Variants in PIK3R4 observed in about 807,000 individuals in gnomAD.
PIK3R4 encodes phosphoinositide-3-kinase regulatory subunit 4.
In PIK3R4, 46 loss-of-function variants were observed where a neutral mutation model predicts 136.5. The ratio of observed to expected loss-of-function variants is 0.34; its 90% CI spans 0.27 to 0.43. The LOEUF (loss-of-function observed/expected upper bound fraction) is 0.43, where lower values mean the gene tolerates loss of function less well. Ranked by LOEUF, PIK3R4 falls within the 20% of genes least tolerant of loss-of-function variation. The pLI, the probability that PIK3R4 is intolerant of heterozygous loss-of-function variation, is 1.00. For missense variants in PIK3R4, 1,331 were observed against 1,649.5 expected, an observed-to-expected ratio of 0.81 and a Z score of 3.35; for synonymous variants, 557 against 566.7, an observed-to-expected ratio of 0.98 and a Z score of 0.24.
At chr3:130,716,983 G>A (rs1292664169) in intron 8 of PIK3R4, among the ~76,000 whole-genome samples, 11 of 152,122 alleles carry the variant, frequency 7.2e-5, no homozygotes, top group Admixed American at 7.2e-4. Flanking sequence ...ACAGCCACAG[G>A]TCTTCCTTCA....
In PIK3R4 at chr3:130,735,887, A is replaced by G; in HGVS notation, c.849T>C (p.Asp283=). The change falls in exon 3 of 20, where the codon GAT becomes GAC. Residue 283 remains aspartate (D), a synonymous_variant. Transcript: ENST00000356763. ...FPEQVLNKIE[D]HSIRELVTQM... ...TAGTTACCAATTCTCTGATACTGTG[A>G]TCTTCAATTTTATTTAGCACTTGTT... 2.5e-6 allele frequency: 4 copies of G among 1,611,654 alleles called. No individual in the cohort carries two copies. Among genetic ancestry groups the G allele is most frequent in the Non-Finnish European group, 3.4e-6 (4 of 1,179,440 alleles).
intron 7 of PIK3R4, among the ~76,000 whole-genome samples, 166 bp from the exon 8 acceptor site, chr3:130,718,700 C>T (rs995260468): frequency 6.6e-6 from 1 of 152,156 alleles, no homozygotes; most frequent in Non-Finnish European, 1.5e-5. Flanking sequence ...ATCAAGTGGA[C>T]ACACTGTTAT....
In PIK3R4 at chr3:130,744,838, C is replaced by A. The variant is rs772051013; in HGVS notation, c.381G>T (p.Trp127Cys). The change falls in exon 2 of 20, where the codon TGG becomes TGT. Residue 127 changes from tryptophan (W) to cysteine (C), a missense_variant. Physicochemically the swap from Trp to Cys is radical, Grantham distance 215 (BLOSUM62 -2). Transcript: ENST00000356763. ...RPFLNNIEKR[W>C]IAFQILTAVD... ...CAGCTGTCAGGATCTGGAAAGCAAT[C>A]CAGCGCTTCTCAATGTTATTCAAGA... 1 of 1,614,096 alleles carries A rather than the reference C, an allele frequency of 6.2e-7. No individual in the cohort carries two copies. Among genetic ancestry groups the A allele is most frequent in the Non-Finnish European group, 8.5e-7 (1 of 1,180,052 alleles).
Position 130,680,018 on chromosome 3 carries a change from T to C in PIK3R4, c.3907-533A>G, listed in dbSNP as rs572507586. On this transcript the variant is annotated intron_variant, in intron 19 of 19. Coordinates refer to ENST00000356763, the MANE Select transcript of PIK3R4 (RefSeq NM_014602.3). ...TTAACCTGGGAGGCAGAGGATGCAG[T>C]GAGCAGAGATCGTGCCACTGCACTC... Among the ~76,000 whole-genome samples, 32 of 128,204 alleles carry C rather than the reference T, an allele frequency of 2.5e-4. No homozygotes were observed. The South Asian group carries it at 7.1e-3, about 29-fold the overall frequency. 84.1% of individuals were successfully genotyped at this position (128,204 alleles called of 152,430 possible). A position where few individuals can be genotyped will look rare whatever the true frequency, so the allele number is the denominator to read the frequency against.
At position 130,690,636 on chromosome 3, in the gene PIK3R4, G is replaced by A. The variant is rs759431388; in HGVS notation, c.3117C>T (p.Ser1039=). Residue 1039 remains serine (S), a synonymous_variant, in exon 14 of 20, where the codon AGC becomes AGT. Transcript: ENST00000356763. ...GCGTCTTGACTCGTCCTCCAATTCG[G>A]CTGTATGTAAGAATAGATCTGAATG... The part of the protein sequence containing the change: ...TTTTRSILTY[S]RIGGRVKTLT... 7.5e-6 allele frequency: 12 copies of A among 1,606,396 alleles called. No homozygotes were observed. In the Middle Eastern group the frequency reaches 5.0e-4, roughly 66 times the overall value.
Position 130,708,416 on chromosome 3 carries a change from T to C in PIK3R4, c.2408A>G (p.Asn803Ser). The change falls in exon 10 of 20, where the codon AAT becomes AGT. Residue 803 changes from asparagine to serine, a missense_variant. Physicochemically the swap from Asn to Ser is conservative, Grantham distance 46. Coordinates refer to ENST00000356763, the MANE Select transcript of PIK3R4 (RefSeq NM_014602.3). The stretch of plus-strand genomic sequence containing the variant: ...ATGAAGATGGCTCTGGTCCACTATA[T>C]TGGCCTTTGCTTTATTAGATTTCAT... ...FMMKSNKAKA[N>S]IVDQSHLHDS... 2 of 1,613,814 alleles carry C rather than the reference T, an allele frequency of 1.2e-6. No homozygotes were observed. Among genetic ancestry groups the C allele is most frequent in the Non-Finnish European group, 1.7e-6 (2 of 1,179,742 alleles).
chr3:130,735,077 A>G (rs1037305814), intron 3 of PIK3R4, among the ~76,000 whole-genome samples: 1 of 152,204 alleles, frequency 6.6e-6, no homozygotes, highest in African/African-American at 2.4e-5. Flanking sequence ...TGCCATACCC[A>G]AAGACAGAAC....
Position 130,716,450 on chromosome 3 carries a change from G to C in PIK3R4, c.2277C>G (p.Cys759Trp). 1 of 1,614,176 alleles carries C rather than the reference G, an allele frequency of 6.2e-7. No homozygotes were observed. The highest frequency in any genetic ancestry group is 1.3e-5 in the African/African-American group (1 of 75,056). ...CTATGGCAGGATCCTCTGGCGGAGG[G>C]CAGTCGGGAAGAGAACCATTTCGTT... Reference protein sequence around the residue: ...QKKRNGSLPDCPPPEDPAIAQ... With the variant: ...QKKRNGSLPDWPPPEDPAIAQ... Residue 759 changes from cysteine (C) to tryptophan (W), a missense_variant, in exon 9 of 20, where the codon TGC becomes TGG. Physicochemically the swap from Cys to Trp is radical, Grantham distance 215. This residue lies in a region of PIK3R4 where 1,180 missense variants were observed against 1,407.0 expected (regional missense o/e 0.84). Coordinates refer to ENST00000356763, the MANE Select transcript of PIK3R4 (RefSeq NM_014602.3).
At chr3:130,690,982 C>T (rs936299709) in intron 13 of PIK3R4, among the ~76,000 whole-genome samples, 2 of 150,520 alleles carry the variant, frequency 1.3e-5, no homozygotes, top group African/African-American at 4.9e-5. Flanking sequence ...CAGCTTACTG[C>T]AGCCTCGACC....
chr3:130,682,119 TG>T (rs1350706406), intron 16 of PIK3R4, among the ~76,000 whole-genome samples: 2 of 152,184 alleles, frequency 1.3e-5, no homozygotes, highest in Non-Finnish European at 2.9e-5. Flanking sequence ...TCCTATCCCC[TG>T]GAACCTGTGA....
rs766101846 is a variant in PIK3R4, at chr3:130,681,050, C to T, written c.3724G>A (p.Val1242Ile). The T allele has an allele frequency of 2.4e-5, 38 of 1,581,356 alleles. No homozygotes were observed. Among genetic ancestry groups the T allele is most frequent in the Middle Eastern group, 3.3e-4 (2 of 6,014 alleles). The change falls in exon 18 of 20, where the codon GTC becomes ATC. Residue 1242 changes from valine (V) to isoleucine (I), a missense_variant. Physicochemically the swap from Val to Ile is conservative, Grantham distance 29. Coordinates refer to ENST00000356763, the MANE Select transcript of PIK3R4 (RefSeq NM_014602.3). ...LSELQPSPHS[V>I]HGIYCSPADG... ...GCAGGACTACAGTAGATACCATGGA[C>T]GCTATGAGGAGAAGGCTTAAAAGAA...
intron 5 of PIK3R4, among the ~76,000 whole-genome samples, 173 bp downstream of exon 5, chr3:130,730,135 G>A (rs1051291311): frequency 6.6e-6 from 1 of 152,162 alleles, no homozygotes; most frequent in Non-Finnish European, 1.5e-5. Context: ...TTTTGAGCAA[G>A]ATAACAGTAT....
chr3:130,745,325 A>G, intron 1 of PIK3R4, 61 bp from the exon 2 acceptor site: 1 of 1,124,612 alleles, frequency 8.9e-7, no homozygotes, highest in Non-Finnish European at 1.2e-6. Context: ...GTGAAACACC[A>G]TTATTCCATT....
Position 130,707,178 on chromosome 3 carries a change from T to A in PIK3R4, c.2534-43A>T. On this transcript the variant is annotated intron_variant, in intron 10 of 19. Coordinates refer to ENST00000356763, the MANE Select transcript of PIK3R4 (RefSeq NM_014602.3). ...GAATAGTTAGTCTGAAGGTAGCCTT[T>A]AAAACCATTATGTGCTTTTATTGCC... 7.0e-7 allele frequency: 1 copy of A among 1,422,200 alleles called. No individual in the cohort carries two copies. The highest frequency in any genetic ancestry group is 9.6e-7 in the Non-Finnish European group (1 of 1,038,364). The allele number at this position is 1,422,200 out of a possible 1,614,324, so 88.1% of individuals were successfully genotyped here. A position where few individuals can be genotyped will look rare whatever the true frequency, so the allele number is the denominator to read the frequency against.
At chr3:130,695,894 A>C (rs1451181156) in intron 13 of PIK3R4, among the ~76,000 whole-genome samples, 2 of 152,154 alleles carry the variant, frequency 1.3e-5, no homozygotes, top group Non-Finnish European at 2.9e-5. Context: ...CTTTGGTAGA[A>C]TACACCATAA....
intron 12 of PIK3R4, 84 bp downstream of exon 12, chr3:130,705,477 G>A (rs886723744): frequency 8.3e-6 from 7 of 842,646 alleles, no homozygotes; most frequent in Admixed American, 2.2e-5. Flanking sequence ...CTTTTGTCTG[G>A]TAGTTAAGTA....
intron 2 of PIK3R4, among the ~76,000 whole-genome samples, chr3:130,740,038 G>C (rs2066811972): frequency 6.6e-6 from 1 of 152,172 alleles, no homozygotes; most frequent in African/African-American, 2.4e-5. Context: ...TCCTGATTCT[G>C]ATATGGTACA....
chr3:130,723,567 A>G lies in PIK3R4; in HGVS notation c.1828T>C (p.Trp610Arg), dbSNP rs771373158. 6.2e-7 allele frequency: 1 copy of G among 1,613,234 alleles called. No homozygotes were observed. Among genetic ancestry groups the G allele is most frequent in the Non-Finnish European group, 8.5e-7 (1 of 1,179,774 alleles). The change falls in exon 7 of 20, where the codon TGG (tryptophan) becomes CGG (arginine). Residue 610 changes from tryptophan (W) to arginine (R), a missense_variant. Transcript: ENST00000356763. ...SIVGVAAYVG[W>R]QSSSILKPLL... The stretch of plus-strand genomic sequence containing the variant: ...GGCTTGAGAATTGAGGAGCTTTGCC[A>G]GCCAACATAGGCAGCAACACCTGGA...
chr3:130,730,588 G>C (rs1449021218), intron 4 of PIK3R4, 146 bp from the exon 5 acceptor site: 2 of 501,144 alleles, frequency 4.0e-6, no homozygotes, highest in Non-Finnish European at 6.6e-6. Flanking sequence ...AACTTAATCA[G>C]ATTTTAGTAA....
Sources: allele counts gnomAD v4.1 joint callset (sites outside exome capture counted in the v4.1 genomes callset), GRCh38; gene constraint gnomAD v4.1.1; regional missense constraint gnomAD v4.1.1; transcripts MANE v1.5; gene names NCBI Gene and HGNC (gene_info 2026-07-23, HGNC 2026-07-21).